Variants in RGMA observed in about 807,000 individuals in gnomAD.
RGMA encodes the protein repulsive guidance molecule BMP co-receptor a.
In RGMA, 10 loss-of-function variants were observed where a neutral mutation model predicts 23.2. The ratio of observed to expected loss-of-function variants is 0.43; its 90% confidence interval spans 0.27 to 0.73. The LOEUF is 0.73. Ranked by LOEUF, RGMA falls within the 30% of genes least tolerant of loss-of-function variation. The probability of loss-of-function intolerance (pLI) is 0.20; values close to 1 mark genes in which losing one functional copy is unlikely to be tolerated. For synonymous variants in RGMA, 308 were observed against 279.3 expected, an observed-to-expected ratio of 1.10 and a Z score of -1.03; for missense variants, 547 against 630.5, an observed-to-expected ratio of 0.87 and a Z score of 1.42.
chr15:93,072,792 A>C, intron 2 of RGMA, 124 bp downstream of exon 2: 1 of 1,085,222 alleles, frequency 9.2e-7, no homozygotes, highest in Non-Finnish European at 1.3e-6. Flanking sequence ...ACCCGTGGAA[A>C]TAGGAGGCGG....
chr15:93,084,346 C>A (rs899239118), intron 1 of RGMA, among the ~76,000 whole-genome samples: 4 of 152,192 alleles, frequency 2.6e-5, no homozygotes, highest in African/African-American at 9.7e-5. Context: ...AATGGTATTC[C>A]GGCAAGGCAT....
At chr15:93,072,832 C>T (rs1895375448) in intron 2 of RGMA, 84 bp downstream of exon 2, 1 of 1,453,566 alleles carries the variant, frequency 6.9e-7, no homozygotes, top group Non-Finnish European at 9.3e-7. Context: ...GAACTTGAGC[C>T]CGGACTCACT....
intron 2 of RGMA, chr15:93,066,488 C>T: frequency 2.2e-6 from 1 of 457,620 alleles, no homozygotes; most frequent in Non-Finnish European, 4.3e-6. Context: ...AAGGGGGTCC[C>T]ATCCCAGCAG....
At chr15:93,049,997 C>T (rs995159809) in intron 3 of RGMA, among the ~76,000 whole-genome samples, 7 of 152,334 alleles carry the variant, frequency 4.6e-5, no homozygotes, top group East Asian at 3.9e-4. Flanking sequence ...TCTCCCACTC[C>T]GCCTGCTTTG....
At chr15:93,060,420 G>A (rs1301001311) in intron 2 of RGMA, among the ~76,000 whole-genome samples, 1 of 152,250 alleles carries the variant, frequency 6.6e-6, no homozygotes, top group African/African-American at 2.4e-5. Context: ...CTCTGGCCCT[G>A]TCCAGATCCA....
At chr15:93,071,945 C>T (rs1236667167) in intron 2 of RGMA, among the ~76,000 whole-genome samples, 2 of 152,044 alleles carry the variant, frequency 1.3e-5, no homozygotes, top group African/African-American at 4.8e-5. Flanking sequence ...CCATTTGGCC[C>T]GTGACATTGT....
chr15:93,045,470 A>G lies in RGMA; in HGVS notation c.881T>C (p.Val294Ala), dbSNP rs1315845475. 6.2e-7 allele frequency: 1 copy of G among 1,613,034 alleles called. No individual in the cohort carries two copies. Among genetic ancestry groups the G allele is most frequent in the South Asian group, 1.1e-5 (1 of 91,048 alleles). Residue 294 changes from valine to alanine, a missense_variant, in exon 4 of 4, where the codon GTC (valine) becomes GCC (alanine). By Grantham distance (64) the Val-to-Ala change is moderately conservative. Coordinates refer to ENST00000329082, the MANE Select transcript of RGMA (RefSeq NM_020211.3). The surrounding 1 kb of genome is among the most constrained non-coding windows in gnomAD (Gnocchi z 6.9). ...ATTGACCACTTCCTCTGGCATGCGG[A>G]CGGCAAAGGTCAGGTAGCGGCCCAC... is the stretch of plus-strand genomic sequence containing the variant. ...RQVGRYLTFA[V>A]RMPEEVVNAV...
chr15:93,072,862 A>G, intron 2 of RGMA, 54 bp downstream of exon 2: 2 of 1,557,056 alleles, frequency 1.3e-6, no homozygotes, highest in Non-Finnish European at 8.7e-7. Flanking sequence ...CTGGCCCAGC[A>G]TTGAGGGGCG....
Position 93,050,884 on chromosome 15 carries a change from C to T in RGMA, c.645+1109G>A, listed in dbSNP as rs145628698. Reference sequence around the variant, plus strand: ...AGAAGCTGCAGCCTCAGGCTCCTGGCGTCCGTCTGTCTTGGCTCTCAGGAG... The same window carrying T: ...AGAAGCTGCAGCCTCAGGCTCCTGGTGTCCGTCTGTCTTGGCTCTCAGGAG... On this transcript the variant is annotated intron_variant, in intron 3 of 3. Coordinates refer to ENST00000329082, the MANE Select transcript of RGMA (RefSeq NM_020211.3). 8.6e-4 allele frequency among the ~76,000 whole-genome samples: 131 copies of T among 152,110 alleles called. 1 individual carries two copies. The East Asian group carries it at 0.019, about 22-fold the overall frequency.
chr15:93,053,610 AC>A (rs1319400365), intron 2 of RGMA, among the ~76,000 whole-genome samples: 2 of 152,228 alleles, frequency 1.3e-5, no homozygotes, highest in Non-Finnish European at 2.9e-5. Flanking sequence ...AAGAACAGAC[AC>A]ATTTGAGGGC....
chr15:93,078,697 C>T (rs573532025), intron 1 of RGMA, among the ~76,000 whole-genome samples: 2 of 152,362 alleles, frequency 1.3e-5, no homozygotes, highest in Admixed American at 6.5e-5. Flanking sequence ...ACATTGCTCA[C>T]CTTCTGCAGT....
intron 1 of RGMA, among the ~76,000 whole-genome samples, chr15:93,081,047 T>C (rs1271949813): frequency 6.6e-6 from 1 of 152,224 alleles, no homozygotes; most frequent in East Asian, 1.9e-4. Context: ...AGTGTTGAGA[T>C]GGAAAGCTTC....
intron 2 of RGMA, among the ~76,000 whole-genome samples, chr15:93,059,939 T>A (rs2055075631): frequency 6.6e-6 from 1 of 152,166 alleles, no homozygotes; most frequent in Non-Finnish European, 1.5e-5. Flanking sequence ...GAAAAACAGA[T>A]CTTACAGCAA....
chr15:93,083,651 T>C (rs574335701), intron 1 of RGMA, among the ~76,000 whole-genome samples: 32 of 152,308 alleles, frequency 2.1e-4, no homozygotes, highest in Non-Finnish European at 4.0e-4. Context: ...TTGAAATCAG[T>C]ATTCTGAAAT....
intron 2 of RGMA, among the ~76,000 whole-genome samples, chr15:93,059,594 G>A (rs2055069718): frequency 6.6e-6 from 1 of 152,206 alleles, no homozygotes; most frequent in African/African-American, 2.4e-5. Flanking sequence ...ATGGGTCCCA[G>A]AAATGTGTGT....
At chr15:93,076,817 G>C (rs868268415) in intron 1 of RGMA, among the ~76,000 whole-genome samples, 3 of 152,184 alleles carry the variant, frequency 2.0e-5, no homozygotes, top group African/African-American at 7.2e-5. Flanking sequence ...CATGCTTGGC[G>C]TACTGTGTGT....
intron 1 of RGMA, chr15:93,073,287 G>A: frequency 1.2e-6 from 1 of 812,650 alleles, no homozygotes; most frequent in Non-Finnish European, 1.6e-6. Flanking sequence ...TTTCAGCGAG[G>A]CCGGCGAGGT....
At chr15:93,087,055 T>C (rs1895644238) in intron 1 of RGMA, among the ~76,000 whole-genome samples, 2 of 152,084 alleles carry the variant, frequency 1.3e-5, no homozygotes, top group African/African-American at 2.4e-5. Flanking sequence ...CATATGTCTA[T>C]TGGAGAATGT....
chr15:93,037,036 A>C lies in RGMA; in HGVS notation c.*7962T>G, dbSNP rs1415389761. ...CACTCCATGGCTGGGCGAGCTGGGC[A>C]GTGGGTGACTGGCAGGAAATGGTCA... On this transcript the variant is annotated 3_prime_UTR_variant, in exon 4 of 4. Transcript: ENST00000329082. This position sits in a 1 kb window ranked among gnomAD's most constrained non-coding sequence, Gnocchi z 4.3. 1 of 152,266 alleles carries C rather than the reference A, an allele frequency of 6.6e-6. No individual in the cohort carries two copies. Among genetic ancestry groups the C allele is most frequent in the African/African-American group, 2.4e-5 (1 of 41,440 alleles). 9.4% of individuals were successfully genotyped at this position (152,266 alleles called of 1,614,324 possible).
Sources: gnomAD v4.1 joint callset for allele counts (sites outside exome capture counted in the v4.1 genomes callset) on GRCh38, gnomAD v4.1.1 for gene constraint, Gnocchi (gnomAD v3.1) non-coding constraint, MANE v1.5 for transcripts, NCBI Gene and HGNC (gene_info 2026-07-23, HGNC 2026-07-21) for gene names.